Variants in LGSN observed in about 807,000 individuals in gnomAD.
LGSN encodes lengsin, lens protein with glutamine synthetase domain.
In LGSN, 21 loss-of-function variants were observed where a neutral mutation model predicts 19.5. The observed-to-expected ratio is 1.07, with a 90% confidence interval of 0.76 to 1.55. The LOEUF is 1.55. Ranked by LOEUF, LGSN falls within the 40% of genes most tolerant of loss-of-function variation. The probability of loss-of-function intolerance (pLI) is 0.00; values close to 1 mark genes in which losing one functional copy is unlikely to be tolerated. For synonymous variants in LGSN, 257 were observed against 215.6 expected, an observed-to-expected ratio of 1.19 and a Z score of -1.68; for missense variants, 673 against 608.5, an observed-to-expected ratio of 1.11 and a Z score of -1.12.
chr6:63,288,073 C>A (rs970111131), intron 2 of LGSN, among the ~76,000 whole-genome samples: 1 of 151,358 alleles, frequency 6.6e-6, no homozygotes, highest in Non-Finnish European at 1.5e-5. Context: ...AAAAAACTAG[C>A]CAGGCATGGT....
At chr6:63,486,484 C>T in the LGSN span, among the ~76,000 whole-genome samples, 3 of 152,140 alleles carry the variant, frequency 2.0e-5, no homozygotes, top group African/African-American at 7.2e-5. Context: ...TTACACATGG[C>T]ACAGCCAACA....
At chr6:63,386,570 C>T in the LGSN span, among the ~76,000 whole-genome samples, 5 of 152,040 alleles carry the variant, frequency 3.3e-5, no homozygotes, top group South Asian at 4.1e-4. Context: ...TAGTCATAAC[C>T]AGTTAACCTA....
the LGSN span, chr6:63,480,459 G>A: frequency 5.9e-6 from 1 of 170,144 alleles, no homozygotes; most frequent in African/African-American, 2.4e-5. Flanking sequence ...TTTGATAAGG[G>A]GGAGGAAAGC....
At chr6:63,329,461 C>T in the LGSN span, among the ~76,000 whole-genome samples, 11 of 152,326 alleles carry the variant, frequency 7.2e-5, no homozygotes, top group East Asian at 9.6e-4. Context: ...ACTGACCGTT[C>T]GGTTTTTGTA....
At chr6:63,287,059 T>C (rs983696790) in intron 2 of LGSN, among the ~76,000 whole-genome samples, 2 of 152,238 alleles carry the variant, frequency 1.3e-5, no homozygotes, top group Non-Finnish European at 2.9e-5. Flanking sequence ...CTGAGTATTC[T>C]TTTGCAAGAT....
chr6:63,360,747 T>C, the LGSN span, among the ~76,000 whole-genome samples: 2 of 152,232 alleles, frequency 1.3e-5, no homozygotes, highest in East Asian at 1.9e-4. Context: ...TTTAGAATTT[T>C]CAGTTTTTCT....
At chr6:63,545,333 G>A in the LGSN span, among the ~76,000 whole-genome samples, 1 of 152,178 alleles carries the variant, frequency 6.6e-6, no homozygotes, top group Non-Finnish European at 1.5e-5. Flanking sequence ...TCTTAGGCTG[G>A]GTGTGGTGGC....
rs1219626148 is a variant in LGSN at position 63,280,166 on chromosome 6, G to T, written c.1385C>A (p.Ala462Asp). The change falls in exon 4 of 4, where the codon GCC becomes GAC. Residue 462 changes from alanine (A) to aspartate (D), a missense_variant. By Grantham distance (126) the Ala-to-Asp change is moderately radical (BLOSUM62 -2). Transcript: ENST00000370657. Reference sequence around the variant, plus strand: ...TTGATCTTCTTCCAGTGCCACAAGGGCATCTTCTAGTTTTAAAGGGATCTC... The same window carrying T: ...TTGATCTTCTTCCAGTGCCACAAGGTCATCTTCTAGTTTTAAAGGGATCTC... ...PSEIPLKLED[A>D]LVALEEDQCL... 2.5e-6 allele frequency: 4 copies of T among 1,614,050 alleles called. No homozygotes were observed.
the LGSN span, among the ~76,000 whole-genome samples, chr6:63,494,391 TA>T: frequency 1.3e-5 from 2 of 152,138 alleles, no homozygotes; most frequent in Non-Finnish European, 2.9e-5. Flanking sequence ...ATGTAACATG[TA>T]ATATGTATAT....
chr6:63,453,542 A>G, the LGSN span, among the ~76,000 whole-genome samples: 2 of 151,554 alleles, frequency 1.3e-5, no homozygotes, highest in Non-Finnish European at 2.9e-5. Flanking sequence ...ACCCCTGGTA[A>G]TATTTTTTAT....
chr6:63,297,018 T>C (rs898650435), intron 1 of LGSN, among the ~76,000 whole-genome samples: 1 of 151,916 alleles, frequency 6.6e-6, no homozygotes, highest in African/African-American at 2.4e-5. Context: ...AAAATTTACC[T>C]AGTTACTAAC....
At chr6:63,407,619 C>A in the LGSN span, among the ~76,000 whole-genome samples, 2 of 152,174 alleles carry the variant, frequency 1.3e-5, no homozygotes, top group African/African-American at 4.8e-5. Context: ...AAAACCGGCA[C>A]AAGACAGGGA....
chr6:63,573,069 A>C, the LGSN span, among the ~76,000 whole-genome samples: 15 of 151,542 alleles, frequency 9.9e-5, no homozygotes, highest in Non-Finnish European at 2.2e-4. Flanking sequence ...GGGTGGCACA[A>C]AAGCCGCTTT....
the LGSN span, among the ~76,000 whole-genome samples, chr6:63,507,551 A>G: frequency 7.2e-5 from 11 of 152,282 alleles, no homozygotes; most frequent in East Asian, 1.9e-3. Flanking sequence ...TTCCACAATC[A>G]GGAACAGTTT....
chr6:63,557,880 G>T, the LGSN span, among the ~76,000 whole-genome samples: 1 of 151,946 alleles, frequency 6.6e-6, no homozygotes, highest in Non-Finnish European at 1.5e-5. Flanking sequence ...TTTTTAAAAT[G>T]ATACTGAACA....
the LGSN span, among the ~76,000 whole-genome samples, chr6:63,370,229 G>C: frequency 6.6e-6 from 1 of 152,186 alleles, no homozygotes; most frequent in African/African-American, 2.4e-5. Flanking sequence ...GTAGATCCCA[G>C]AACAGAGTAA....
the LGSN span, among the ~76,000 whole-genome samples, chr6:63,435,318 T>C: frequency 6.6e-6 from 1 of 152,260 alleles, no homozygotes; most frequent in African/African-American, 2.4e-5. Context: ...AATTGAAGTT[T>C]ACTGAGCACC....
the LGSN span, among the ~76,000 whole-genome samples, chr6:63,382,442 G>A: frequency 6.6e-6 from 1 of 152,122 alleles, no homozygotes; most frequent in African/African-American, 2.4e-5. Context: ...TTCTTTTACA[G>A]CACCTTGTCT....
At chr6:63,369,830 C>A in the LGSN span, among the ~76,000 whole-genome samples, 1 of 152,072 alleles carries the variant, frequency 6.6e-6, no homozygotes, top group Non-Finnish European at 1.5e-5. Flanking sequence ...TGGTGAAACC[C>A]CATCTCTACT....
Sources: allele counts gnomAD v4.1 joint callset (sites outside exome capture counted in the v4.1 genomes callset), GRCh38; gene constraint gnomAD v4.1.1; transcripts MANE v1.5; gene names NCBI Gene and HGNC (gene_info 2026-07-23, HGNC 2026-07-21).